DLGAP3: variants seen among roughly 807,000 people sequenced by gnomAD.
DLGAP3 encodes DLG associated protein 3, also known as disks large-associated protein 3.
In DLGAP3, 17 loss-of-function variants were observed where a neutral mutation model predicts 81.2. The observed-to-expected ratio is 0.21, with a 90% confidence interval of 0.14 to 0.31. The LOEUF (loss-of-function observed/expected upper bound fraction) is 0.31. Among genes scored for constraint, DLGAP3 ranks in the 10% least tolerant of loss-of-function variants. The pLI is 1.00. For missense variants in DLGAP3, 1,124 were observed against 1,388.0 expected, an observed-to-expected ratio of 0.81 and a Z score of 3.02; for synonymous variants, 577 against 587.4, an observed-to-expected ratio of 0.98 and a Z score of 0.26.
At chr1:34,879,217 C>T (rs1260651377) in intron 8 of DLGAP3, among the ~76,000 whole-genome samples, 2 of 151,810 alleles carry the variant, frequency 1.3e-5, no homozygotes, top group Admixed American at 1.3e-4. Flanking sequence ...AATAATTATT[C>T]AACTCATCAT....
chr1:34,920,996 T>C (rs1163380062), intron 1 of DLGAP3, among the ~76,000 whole-genome samples: 1 of 152,198 alleles, frequency 6.6e-6, no homozygotes, highest in African/African-American at 2.4e-5. Context: ...AAAATGTGAC[T>C]TGAGCAAAGA....
chr1:34,897,376 A>C (rs1425706173), intron 5 of DLGAP3, among the ~76,000 whole-genome samples: 1 of 152,224 alleles, frequency 6.6e-6, no homozygotes, highest in Non-Finnish European at 1.5e-5. Context: ...AGTTAAATTA[A>C]AATTTTAGGG....
At chr1:34,914,052 A>G (rs141903070) in intron 1 of DLGAP3, among the ~76,000 whole-genome samples, 1 of 152,240 alleles carries the variant, frequency 6.6e-6, no homozygotes. Context: ...ATGAGGCACA[A>G]CTTTCAGGGA....
At chr1:34,876,906 T>A (rs543589208) in intron 8 of DLGAP3, among the ~76,000 whole-genome samples, 2 of 152,342 alleles carry the variant, frequency 1.3e-5, no homozygotes, top group Admixed American at 1.3e-4. Context: ...TCCACTGCTA[T>A]CAGCCTTACC....
At position 34,900,351 on chromosome 1, in the gene DLGAP3, T is replaced by A; in HGVS notation, c.1108-78A>T. ...GCCAGGACTCTTTCCCCACTGCCAG[T>A]GGGAGATGCCCTGCCCTGGCTTGAA... On this transcript the variant is annotated intron_variant, in intron 3 of 11. Coordinates refer to ENST00000373347, the MANE Select transcript of DLGAP3 (RefSeq NM_001080418.3). This position sits in a 1 kb window ranked among gnomAD's most constrained non-coding sequence, Gnocchi z 5.6. 6.9e-7 allele frequency: 1 copy of A among 1,449,586 alleles called. No individual in the cohort carries two copies. The highest frequency in any genetic ancestry group is 9.6e-7 in the Non-Finnish European group (1 of 1,038,546). The allele number at this position is 1,449,586 out of a possible 1,614,324, so 89.8% of individuals were successfully genotyped here. A position where few individuals can be genotyped will look rare whatever the true frequency, so the allele number is the denominator to read the frequency against.
chr1:34,878,075 C>T (rs920968842), intron 8 of DLGAP3, among the ~76,000 whole-genome samples: 4 of 152,260 alleles, frequency 2.6e-5, no homozygotes, highest in Non-Finnish European at 5.9e-5. Flanking sequence ...GAGGCTGAGC[C>T]GGGTGGATCA....
At chr1:34,879,236 A>G (rs1639106310) in intron 8 of DLGAP3, among the ~76,000 whole-genome samples, 1 of 152,164 alleles carries the variant, frequency 6.6e-6, no homozygotes, top group African/African-American at 2.4e-5. Context: ...ATAATGTAGA[A>G]TCAGTGGGAG....
intron 1 of DLGAP3, among the ~76,000 whole-genome samples, chr1:34,923,569 G>T (rs1639827032): frequency 6.6e-6 from 1 of 152,024 alleles, no homozygotes; most frequent in Non-Finnish European, 1.5e-5. Flanking sequence ...TTCATGTGGG[G>T]GTGGAGGGGT....
intron 7 of DLGAP3, 60 bp from the exon 8 acceptor site, chr1:34,885,123 G>A (rs1014124681): frequency 4.0e-6 from 6 of 1,490,150 alleles, no homozygotes; most frequent in East Asian, 2.3e-5. Flanking sequence ...CCCTTCCCGG[G>A]GAGAACGGCT....
At chr1:34,920,046 C>T (rs1316950056) in intron 1 of DLGAP3, among the ~76,000 whole-genome samples, 1 of 152,154 alleles carries the variant, frequency 6.6e-6, no homozygotes, top group Non-Finnish European at 1.5e-5. Context: ...CCTAAGTATG[C>T]TGTCCCACCC....
In DLGAP3 at chr1:34,905,313, T is replaced by G. The variant is rs1182330337; in HGVS notation, c.71A>C (p.Asp24Ala). The stretch of plus-strand genomic sequence containing the variant: ...TGGGGCCCTGGCAGCAGGGCCCACG[T>G]CCATATGCTGTTGGTCAGCAAAGCG... Reference protein sequence around the residue: ...PARFADQQHMDVGPAARAPYL... With the variant: ...PARFADQQHMAVGPAARAPYL... The change falls in exon 3 of 12, where the codon GAC (aspartate) becomes GCC (alanine). Residue 24 changes from aspartate to alanine, a missense_variant. By Grantham distance (126) the Asp-to-Ala change is moderately radical (BLOSUM62 -2). This residue lies in a region of DLGAP3 where 167 missense variants were observed against 172.1 expected (regional missense o/e 0.97). Transcript: ENST00000373347. The G allele has an allele frequency of 3.2e-6, 5 of 1,563,848 alleles. No homozygotes were observed. The South Asian group carries it at 5.9e-5, about 18-fold the overall frequency.
chr1:34,915,635 G>C (rs1304102842), intron 1 of DLGAP3, among the ~76,000 whole-genome samples: 2 of 152,218 alleles, frequency 1.3e-5, no homozygotes, highest in African/African-American at 4.8e-5. Flanking sequence ...CCACAGGAGA[G>C]TCCAGCACAG....
intron 8 of DLGAP3, among the ~76,000 whole-genome samples, chr1:34,870,502 T>TTGCTG (rs895561570): frequency 6.7e-6 from 1 of 149,232 alleles, no homozygotes; most frequent in Non-Finnish European, 1.5e-5. Context: ...CCAGGCCTTC[T>TTGCTG]CTCCCTGCCT....
chr1:34,875,052 G>A (rs1023426439), intron 8 of DLGAP3, among the ~76,000 whole-genome samples: 6 of 152,112 alleles, frequency 3.9e-5, no homozygotes, highest in South Asian at 4.2e-4. Context: ...GTCAGAAACC[G>A]TCCTAAATTT....
chr1:34,905,474 C>T lies in DLGAP3; in HGVS notation c.-51-40G>A, dbSNP rs1314634287. ...AGAAAAGGTATTTGAATTGAACAGC[C>T]CTCTTCACCTAAAACCATCTTTTAT... On this transcript the variant is annotated intron_variant, in intron 2 of 11. Transcript: ENST00000373347. 8.8e-6 allele frequency: 12 copies of T among 1,362,818 alleles called. No homozygotes were observed. In the African/African-American group the frequency reaches 1.6e-4, roughly 18 times the overall value. The allele number at this position is 1,362,818 out of a possible 1,614,324, so 84.4% of individuals were successfully genotyped here. A position where few individuals can be genotyped will look rare whatever the true frequency, so the allele number is the denominator to read the frequency against.
intron 2 of DLGAP3, among the ~76,000 whole-genome samples, chr1:34,906,034 T>TATATATATATATATATATATA (rs1557492434): frequency 4.6e-4 from 18 of 39,078 alleles, no homozygotes; most frequent in East Asian, 3.2e-3. Context: ...ATATATATAT[T>TATATATATATATATATATATA]TGTTTGTTTT....
chr1:34,928,642 G>C (rs965490705), intron 1 of DLGAP3, among the ~76,000 whole-genome samples: 35 of 152,140 alleles, frequency 2.3e-4, no homozygotes, highest in African/African-American at 7.7e-4. Flanking sequence ...GGGGACAGTG[G>C]GGGGGACAGA....
At chr1:34,870,974 T>A (rs1022765566) in intron 8 of DLGAP3, among the ~76,000 whole-genome samples, 1 of 152,208 alleles carries the variant, frequency 6.6e-6, no homozygotes, top group South Asian at 2.1e-4. Context: ...CACATATACA[T>A]CTAAAAATAC....
Position 34,900,393 on chromosome 1 carries a change from C to T in DLGAP3, c.1108-120G>A, listed in dbSNP as rs985195270. The T allele has an allele frequency of 4.1e-5, 41 of 1,008,812 alleles. No homozygotes were observed. Among genetic ancestry groups the T allele is most frequent in the Non-Finnish European group, 6.0e-5 (39 of 650,712 alleles). 62.5% of individuals were successfully genotyped at this position (1,008,812 alleles called of 1,614,324 possible). ...TGGCTTGAACAGGCACACTCAGGTA[C>T]ATGCAGAGGCAGAAGGGGAGGTAGG... On this transcript the variant is annotated intron_variant, in intron 3 of 11. Coordinates refer to ENST00000373347, the MANE Select transcript of DLGAP3 (RefSeq NM_001080418.3). The surrounding 1 kb of genome is among the most constrained non-coding windows in gnomAD (Gnocchi z 5.6).
Sources: allele counts gnomAD v4.1 joint callset (sites outside exome capture counted in the v4.1 genomes callset), GRCh38; gene constraint gnomAD v4.1.1; regional missense constraint gnomAD v4.1.1; non-coding constraint Gnocchi (gnomAD v3.1); transcripts MANE v1.5; gene names NCBI Gene and HGNC (gene_info 2026-07-23, HGNC 2026-07-21).